FKRP: variants seen among roughly 807,000 people sequenced by gnomAD.
The protein encoded by FKRP is ribitol 5-phosphate transferase FKRP.
FKRP carries 25 observed loss-of-function variants against 30.6 expected under a neutral mutation model. The ratio of observed to expected loss-of-function variants is 0.82; its 90% CI spans 0.60 to 1.14. FKRP has a LOEUF of 1.14. Among genes scored for constraint, FKRP ranks in the 50% most tolerant of loss-of-function variants. The probability of loss-of-function intolerance (pLI) is 0.00; values close to 1 mark genes in which losing one functional copy is unlikely to be tolerated. For synonymous variants in FKRP, 358 were observed against 342.5 expected (o/e 1.05, Z -0.50); for missense variants, 771 against 727.8 (o/e 1.06, Z -0.68).
chr19:46,754,539 G>A (rs1393609184), intron 3 of FKRP, among the ~76,000 whole-genome samples: 1 of 150,282 alleles, frequency 6.7e-6, no homozygotes, highest in Non-Finnish European at 1.5e-5. Flanking sequence ...TCACAGGCGT[G>A]AGTCACCATA....
chr19:46,749,723 CAAAAA>C (rs1175374378), intron 3 of FKRP, among the ~76,000 whole-genome samples: 1 of 62,462 alleles, frequency 1.6e-5, no homozygotes, highest in Admixed American at 1.9e-4. Context: ...GACTCCGTCT[CAAAAA>C]AAAAAAAAAA....
At chr19:46,747,951 T>G (rs2054697492) in intron 1 of FKRP, 76 bp from the exon 2 acceptor site, 1 of 152,092 alleles carries the variant, frequency 6.6e-6, no homozygotes, top group South Asian at 2.1e-4. Context: ...TCTTGCCACT[T>G]TTGTGGATAA....
At position 46,755,475 on chromosome 19, in the gene FKRP, G is replaced by A; in HGVS notation, c.25G>A (p.Ala9Thr). 6.2e-7 allele frequency: 1 copy of A among 1,608,634 alleles called. No individual in the cohort carries two copies. Among genetic ancestry groups the A allele is most frequent in the Non-Finnish European group, 8.5e-7 (1 of 1,179,284 alleles). The change falls in exon 4 of 4, where the codon GCC becomes ACC. Residue 9 changes from alanine (A) to threonine (T), a missense_variant. Ala to Thr is a moderately conservative substitution (Grantham distance 58, BLOSUM62 0). Coordinates refer to ENST00000318584, the MANE Select transcript of FKRP (RefSeq NM_024301.5). MRLTRCQAALAAAITLNLL... is the reference protein window; with the variant it reads MRLTRCQATLAAAITLNLL... Reference sequence around the variant, plus strand: ...CATGCGGCTCACCCGCTGCCAGGCTGCCCTGGCGGCCGCCATCACCCTCAA... The same window carrying A: ...CATGCGGCTCACCCGCTGCCAGGCTACCCTGGCGGCCGCCATCACCCTCAA...
At position 46,748,220 on chromosome 19, in the gene FKRP, C is replaced by T. The variant is rs1021626527; in HGVS notation, c.-191+132C>T. ...TGAGACGGAGTGTCGCTCTGTTGCC[C>T]GGGCTGAAATGCAGTGGCGCGGTCA... On this transcript the variant is annotated intron_variant, in intron 2 of 3. Transcript: ENST00000318584. The T allele has an allele frequency of 6.6e-4, 100 of 152,076 alleles. 1 individual carries two copies. The highest frequency in any genetic ancestry group is 2.2e-3 in the African/African-American group (90 of 41,368). The allele number at this position is 152,076 out of a possible 1,614,324, so 9.4% of individuals were successfully genotyped here. A position where few individuals can be genotyped will look rare whatever the true frequency, so the allele number is the denominator to read the frequency against.
In FKRP at chr19:46,756,627, G is replaced by T. The variant is rs140679502; in HGVS notation, c.1177G>T (p.Val393Leu). Residue 393 changes from valine to leucine, a missense_variant, in exon 4 of 4, where the codon GTA (valine) becomes TTA (leucine). By Grantham distance (32) the Val-to-Leu change is conservative. Coordinates refer to ENST00000318584, the MANE Select transcript of FKRP (RefSeq NM_024301.5). The surrounding 1 kb of genome is among the most constrained non-coding windows in gnomAD (Gnocchi z 6.6). ...AGSVVDERGFVWEKAVEGDFF... is the reference protein window; with the variant it reads ...AGSVVDERGFLWEKAVEGDFF... ...CTCGGTGGTGGATGAGCGCGGCTTC[G>T]TATGGGAGAAGGCGGTCGAGGGCGA... The T allele has an allele frequency of 1.2e-6, 2 of 1,612,962 alleles. No individual in the cohort carries two copies. Among genetic ancestry groups the T allele is most frequent in the Admixed American group, 1.7e-5 (1 of 59,808 alleles).
At position 46,755,622 on chromosome 19, in the gene FKRP, G is replaced by T; in HGVS notation, c.172G>T (p.Ala58Ser). 6.2e-7 allele frequency: 1 copy of T among 1,604,030 alleles called. No homozygotes were observed. The highest frequency in any genetic ancestry group is 1.7e-5 in the Admixed American group (1 of 59,486). The change falls in exon 4 of 4, where the codon GCA (alanine) becomes TCA (serine). Residue 58 changes from alanine (A) to serine (S), a missense_variant. Transcript: ENST00000318584. Reference protein sequence around the residue: ...RVTVLVREFEAFDNAVPELVD... With the variant: ...RVTVLVREFESFDNAVPELVD... ...CACCGTCCTGGTGCGGGAGTTCGAGGCATTTGACAACGCGGTGCCCGAGCT... is the reference window on the plus strand; with the variant it reads ...CACCGTCCTGGTGCGGGAGTTCGAGTCATTTGACAACGCGGTGCCCGAGCT...
At chr19:46,747,222 GTT>G (rs1325567428) in intron 1 of FKRP, 1 of 152,440 alleles carries the variant, frequency 6.6e-6, no homozygotes, top group African/African-American at 2.4e-5. Context: ...CTAACCAGGT[GTT>G]TTTATTTAGA....
At position 46,756,129 on chromosome 19, in the gene FKRP, G is replaced by C. The variant is rs775681117; in HGVS notation, c.679G>C (p.Ala227Pro). The change falls in exon 4 of 4, where the codon GCC becomes CCC. Residue 227 changes from alanine (A) to proline (P), a missense_variant. Coordinates refer to ENST00000318584, the MANE Select transcript of FKRP (RefSeq NM_024301.5). This position sits in a 1 kb window ranked among gnomAD's most constrained non-coding sequence, Gnocchi z 6.6. ...PVGTSLFLQT[A>P]LRGWAVQLLD... ...GGGCACCAGCCTCTTTCTGCAGACC[G>C]CCCTTCGCGGCTGGGCGGTGCAGCT... 7 of 1,500,282 alleles carry C rather than the reference G, an allele frequency of 4.7e-6. No homozygotes were observed. In the South Asian group the frequency reaches 7.6e-5, roughly 16 times the overall value. 92.9% of individuals were successfully genotyped at this position (1,500,282 alleles called of 1,614,324 possible).
upstream of FKRP, among the ~76,000 whole-genome samples, chr19:46,745,444 C>A (rs1269852842): frequency 6.6e-6 from 1 of 152,142 alleles, no homozygotes; most frequent in East Asian, 1.9e-4. Context: ...CATCCTGGAC[C>A]CCTTGAAACC....
chr19:46,749,414 TTTTTTTTTTTTTTTTGAGA>T (rs1486631811), intron 3 of FKRP, among the ~76,000 whole-genome samples: 1 of 148,086 alleles, frequency 6.8e-6, no homozygotes, highest in Non-Finnish European at 1.5e-5. Context: ...TTTCCTTTTT[TTTTTTTTTTTTTTTTGAGA>T]TAAGGTCTCG....
rs200560192 is a variant in FKRP, at chr19:46,746,503, C to A, written c.-253+413C>A. 1.0e-3 allele frequency: 840 copies of A among 821,898 alleles called. 3 individuals carry two copies. In the African/African-American group the frequency reaches 0.015, roughly 15 times the overall value. The allele number at this position is 821,898 out of a possible 1,614,324, so 50.9% of individuals were successfully genotyped here. ...CGCGGCCGCGCCAACACCCCCCCCC[C>A]TCCCCCGCCGCAACCACCGCGCGCG... On this transcript the variant is annotated intron_variant, in intron 1 of 3. Transcript: ENST00000318584.
chr19:46,749,857 A>G (rs904328191), intron 3 of FKRP, among the ~76,000 whole-genome samples: 1 of 152,052 alleles, frequency 6.6e-6, no homozygotes, highest in Non-Finnish European at 1.5e-5. Context: ...AGCTGGGACT[A>G]CAGGTGCACA....
Position 46,756,703 on chromosome 19 carries a change from G to C in FKRP, c.1253G>C (p.Trp418Ser). The change falls in exon 4 of 4, where the codon TGG becomes TCG. Residue 418 changes from tryptophan to serine, a missense_variant. Coordinates refer to ENST00000318584, the MANE Select transcript of FKRP (RefSeq NM_024301.5). This position sits in a 1 kb window ranked among gnomAD's most constrained non-coding sequence, Gnocchi z 6.6. Reference protein sequence around the residue: ...SESNHLHVDLWPFYPRNGVMT... With the variant: ...SESNHLHVDLSPFYPRNGVMT... ...AGCAACCACTTGCACGTGGACCTGT[G>C]GCCCTTCTACCCCCGCAATGGCGTC... 6.2e-7 allele frequency: 1 copy of C among 1,612,472 alleles called. No homozygotes were observed. Among genetic ancestry groups the C allele is most frequent in the Non-Finnish European group, 8.5e-7 (1 of 1,179,442 alleles).
chr19:46,756,344 A>G lies in FKRP; in HGVS notation c.894A>G (p.Gly298=). 1.3e-6 allele frequency: 2 copies of G among 1,559,174 alleles called. No homozygotes were observed. Among genetic ancestry groups the G allele is most frequent in the Non-Finnish European group, 1.7e-6 (2 of 1,155,306 alleles). ...ACAAGGAGACCACGCGCTGCTTCGG[A>G]ACCGTGGTGGGCGACACGCCCGCCT... ...GCNKETTRCF[G]TVVGDTPAYL... The change falls in exon 4 of 4, where the codon GGA becomes GGG. Residue 298 remains glycine (G), a synonymous_variant. Transcript: ENST00000318584. The surrounding 1 kb of genome is among the most constrained non-coding windows in gnomAD (Gnocchi z 6.6).
chr19:46,754,450 G>A (rs1038839766), intron 3 of FKRP: 4 of 141,980 alleles, frequency 2.8e-5, no homozygotes, highest in Non-Finnish European at 6.0e-5. Flanking sequence ...GGAGTGCAAC[G>A]GTGCCATCTC....
intron 1 of FKRP, 131 bp downstream of exon 1, chr19:46,746,221 G>A: frequency 6.5e-7 from 1 of 1,535,208 alleles, no homozygotes; most frequent in South Asian, 1.2e-5. Context: ...GCTGGATAAA[G>A]TGCAGGATCC....
At position 46,746,102 on chromosome 19, in the gene FKRP, C is replaced by T; in HGVS notation, c.-253+12C>T. 2.2e-6 allele frequency: 3 copies of T among 1,373,680 alleles called. No individual in the cohort carries two copies. The highest frequency in any genetic ancestry group is 1.4e-5 in the South Asian group (1 of 71,550). 85.1% of individuals were successfully genotyped at this position (1,373,680 alleles called of 1,614,324 possible). A position where few individuals can be genotyped will look rare whatever the true frequency, so the allele number is the denominator to read the frequency against. On this transcript the variant is annotated intron_variant, in intron 1 of 3. Coordinates refer to ENST00000318584, the MANE Select transcript of FKRP (RefSeq NM_024301.5). ...GGCGGCGGCAGCGGGTGAGGCCGGG[C>T]CGGGCCGGGCCGGGTTGGGGGTCGG...
intron 2 of FKRP, among the ~76,000 whole-genome samples, 165 bp downstream of exon 2, chr19:46,748,253 C>T (rs964478192): frequency 2.0e-5 from 3 of 152,162 alleles, no homozygotes; most frequent in Non-Finnish European, 4.4e-5. Flanking sequence ...TCATGGCTCA[C>T]TGCAACCTCC....
intron 3 of FKRP, chr19:46,753,776 G>T (rs569497809): frequency 6.6e-6 from 1 of 152,394 alleles, no homozygotes; most frequent in African/African-American, 2.4e-5. Flanking sequence ...GTGGAAATGG[G>T]GAGGAGGGGA....
Sources: gnomAD v4.1 joint callset for allele counts (sites outside exome capture counted in the v4.1 genomes callset) on GRCh38, gnomAD v4.1.1 for gene constraint, Gnocchi (gnomAD v3.1) non-coding constraint, MANE v1.5 for transcripts, NCBI Gene and HGNC (gene_info 2026-07-23, HGNC 2026-07-21) for gene names.